PCCA: variants seen among roughly 807,000 people sequenced by gnomAD.
PCCA encodes propionyl-CoA carboxylase alpha chain, mitochondrial.
Under a neutral mutation model 101.3 loss-of-function variants are expected in PCCA, and 74 were observed. The observed-to-expected ratio is 0.73, with a 90% CI of 0.61 to 0.89. PCCA has a LOEUF of 0.89. Among genes scored for constraint, PCCA ranks in the 40% least tolerant of loss-of-function variants. PCCA has a pLI of 0.00. For synonymous variants in PCCA, 294 were observed against 313.6 expected, an observed-to-expected ratio of 0.94 and a Z score of 0.66; for missense variants, 891 against 907.0, an observed-to-expected ratio of 0.98 and a Z score of 0.23.
At chr13:100,497,613 A>C (rs1463038695) in intron 21 of PCCA, among the ~76,000 whole-genome samples, 1 of 152,160 alleles carries the variant, frequency 6.6e-6, no homozygotes, top group Admixed American at 6.5e-5. Flanking sequence ...ATTCATGCCA[A>C]GTCATTTCCT....
intron 18 of PCCA, among the ~76,000 whole-genome samples, chr13:100,367,405 T>C (rs80059687): frequency 6.6e-6 from 1 of 152,218 alleles, no homozygotes; most frequent in East Asian, 1.9e-4. Flanking sequence ...GGACTGTGTT[T>C]TATTTCTCTG....
chr13:100,494,844 T>C (rs569610321), intron 21 of PCCA, among the ~76,000 whole-genome samples: 3 of 152,278 alleles, frequency 2.0e-5, no homozygotes, highest in African/African-American at 7.2e-5. Context: ...TCCCTACTTC[T>C]GGAAAGCTCA....
rs1427576777 is a variant in PCCA at position 100,394,192 on chromosome 13, C to T, written c.1746+25618C>T. ...TTAGTCCTTCGTAGAACTGGATGTC[C>T]GTTTGTTGCAACTGAATTCTCATTT... On this transcript the variant is annotated intron_variant, in intron 19 of 23. Coordinates refer to ENST00000376285, the MANE Select transcript of PCCA (RefSeq NM_000282.4). This position sits in a 1 kb window ranked among gnomAD's most constrained non-coding sequence, Gnocchi z 4.3. 2.0e-5 allele frequency among the ~76,000 whole-genome samples: 3 copies of T among 152,116 alleles called. No homozygotes were observed. The highest frequency in any genetic ancestry group is 2.9e-5 in the Non-Finnish European group (2 of 68,026).
chr13:100,389,030 G>T (rs1270252837), intron 19 of PCCA, among the ~76,000 whole-genome samples: 1 of 152,210 alleles, frequency 6.6e-6, no homozygotes. Context: ...TGGAGAACCA[G>T]TGGTAATCAA....
chr13:100,271,003 G>C (rs1181659236), intron 11 of PCCA, among the ~76,000 whole-genome samples: 1 of 151,924 alleles, frequency 6.6e-6, no homozygotes, highest in East Asian at 1.9e-4. Context: ...GCAAGACCCT[G>C]TTCTCCCCCA....
At chr13:100,308,437 G>A (rs2066636190) in intron 15 of PCCA, among the ~76,000 whole-genome samples, 1 of 152,074 alleles carries the variant, frequency 6.6e-6, no homozygotes, top group African/African-American at 2.4e-5. Context: ...CGATCCACCT[G>A]CCTTAGCCAC....
At chr13:100,339,172 CTGTGTAAA>C in intron 17 of PCCA, among the ~76,000 whole-genome samples, 1 of 152,070 alleles carries the variant, frequency 6.6e-6, no homozygotes, top group East Asian at 1.9e-4. Context: ...AATGTAAATG[CTGTGTAAA>C]TCATTGTTAT....
At chr13:100,183,484 C>T (rs1237796233) in intron 6 of PCCA, among the ~76,000 whole-genome samples, 1 of 152,036 alleles carries the variant, frequency 6.6e-6, no homozygotes, top group African/African-American at 2.4e-5. Context: ...TCTCTGATTC[C>T]CAGGAGAGGA....
chr13:100,460,774 A>C (rs1566369625), intron 21 of PCCA, among the ~76,000 whole-genome samples: 1 of 152,236 alleles, frequency 6.6e-6, no homozygotes, highest in African/African-American at 2.4e-5. Flanking sequence ...GCACTTATGA[A>C]GTAACAGCGA....
intron 4 of PCCA, chr13:100,149,178 T>C (rs1324381847): frequency 7.3e-6 from 1 of 137,364 alleles, no homozygotes; most frequent in Non-Finnish European, 1.6e-5. Context: ...TTTTTTTTTT[T>C]CAGTTATTCA....
intron 2 of PCCA, among the ~76,000 whole-genome samples, chr13:100,106,489 C>T (rs2047805609): frequency 6.6e-6 from 1 of 152,136 alleles, no homozygotes; most frequent in Non-Finnish European, 1.5e-5. Context: ...TGGCTCACTG[C>T]AACCTCCACC....
chr13:100,527,211 C>G, intron 22 of PCCA: 1 of 455,288 alleles, frequency 2.2e-6, no homozygotes, highest in South Asian at 1.6e-5. Flanking sequence ...TAGTTGTCAC[C>G]ACAATCAATT....
In PCCA at chr13:100,530,250, C is replaced by T; in HGVS notation, c.*84C>T. 3.7e-6 allele frequency: 4 copies of T among 1,067,102 alleles called. No individual in the cohort carries two copies. The highest frequency in any genetic ancestry group is 2.0e-4 in the Middle Eastern group (1 of 4,988). 66.1% of individuals were successfully genotyped at this position (1,067,102 alleles called of 1,614,324 possible). ...ACACACAATTGATTCAAGCATTATA[C>T]AGGAACACCCCTGTGCAGCTACGTT... is the stretch of plus-strand genomic sequence containing the variant. On this transcript the variant is annotated 3_prime_UTR_variant, in exon 24 of 24. Coordinates refer to ENST00000376285, the MANE Select transcript of PCCA (RefSeq NM_000282.4).
At chr13:100,345,970 C>A (rs1369174835) in intron 18 of PCCA, among the ~76,000 whole-genome samples, 1 of 151,782 alleles carries the variant, frequency 6.6e-6, no homozygotes, top group Non-Finnish European at 1.5e-5. Context: ...ACTGTTGAGA[C>A]CTACTTCTCA....
chr13:100,119,453 A>G (rs1239288206), intron 4 of PCCA, among the ~76,000 whole-genome samples: 1 of 152,210 alleles, frequency 6.6e-6, no homozygotes, highest in East Asian at 1.9e-4. Context: ...CCTCCAGGGT[A>G]TCACTCATCT....
chr13:100,111,795 G>C (rs765806812), intron 2 of PCCA, 46 bp from the exon 3 acceptor site: 1 of 1,415,376 alleles, frequency 7.1e-7, no homozygotes, highest in African/African-American at 1.4e-5. Context: ...TAAACCATCG[G>C]TTTAAAAGTA....
chr13:100,163,870 C>T (rs2054748818), intron 6 of PCCA, among the ~76,000 whole-genome samples: 1 of 151,688 alleles, frequency 6.6e-6, no homozygotes, highest in African/African-American at 2.4e-5. Context: ...TAAAATTTAT[C>T]TATTGGATCT....
At chr13:100,505,766 C>T (rs1366435240) in intron 21 of PCCA, among the ~76,000 whole-genome samples, 1 of 152,114 alleles carries the variant, frequency 6.6e-6, no homozygotes, top group African/African-American at 2.4e-5. Context: ...ACTTGGGAGT[C>T]TGACGTGGGA....
rs1022329050 is a variant in PCCA, at chr13:100,330,569, C to A, written c.1438C>A (p.His480Asn). ...LDNYVIRGVT[H>N]NIALLREVII... ...TATCATTTTACTTTTAGGTGTTACA[C>A]ATAATATTGCATTACTTCGAGAGGT... The change falls in exon 17 of 24, where the codon CAT becomes AAT. Residue 480 changes from histidine to asparagine, a missense_variant. Coordinates refer to ENST00000376285, the MANE Select transcript of PCCA (RefSeq NM_000282.4). 5 of 1,590,978 alleles carry A rather than the reference C, an allele frequency of 3.1e-6. No individual in the cohort carries two copies. Among genetic ancestry groups the A allele is most frequent in the Non-Finnish European group, 4.3e-6 (5 of 1,159,744 alleles).
Sources: allele counts gnomAD v4.1 joint callset (sites outside exome capture counted in the v4.1 genomes callset), GRCh38; gene constraint gnomAD v4.1.1; non-coding constraint Gnocchi (gnomAD v3.1); transcripts MANE v1.5; gene names NCBI Gene and HGNC (gene_info 2026-07-23, HGNC 2026-07-21).